PRKCB: variants seen among roughly 807,000 people sequenced by gnomAD.
The protein encoded by PRKCB is protein kinase C beta type.
PRKCB carries 13 observed loss-of-function variants against 81.5 expected under a neutral mutation model. That is an observed-to-expected ratio of 0.16 (90% confidence interval 0.10 to 0.25). The LOEUF is 0.25. PRKCB is among the 10% of genes least tolerant of loss of function. The pLI, the probability that PRKCB is intolerant of heterozygous loss-of-function variation, is 1.00. For missense variants in PRKCB, 509 were observed against 875.7 expected (o/e 0.58, Z 5.29); for synonymous variants, 335 against 321.4 (o/e 1.04, Z -0.45).
intron 5 of PRKCB, among the ~76,000 whole-genome samples, chr16:24,057,929 C>T (rs2141875024): frequency 6.6e-6 from 1 of 152,280 alleles, no homozygotes; most frequent in Non-Finnish European, 1.5e-5. Context: ...TGTCACCCCC[C>T]TGCTTAAATG....
chr16:23,996,273 G>A (rs543522347), intron 3 of PRKCB, among the ~76,000 whole-genome samples: 31 of 152,246 alleles, frequency 2.0e-4, no homozygotes, highest in African/African-American at 7.2e-4. Context: ...CCGTTCTTTG[G>A]ATACCAGGCA....
chr16:23,925,449 G>A (rs982319221), intron 2 of PRKCB, among the ~76,000 whole-genome samples: 7 of 151,990 alleles, frequency 4.6e-5, no homozygotes, highest in Admixed American at 4.6e-4. Context: ...GGATGCCTGT[G>A]TTCTTAAGGT....
At chr16:24,088,237 C>T (rs1966332282) in intron 5 of PRKCB, among the ~76,000 whole-genome samples, 1 of 152,122 alleles carries the variant, frequency 6.6e-6, no homozygotes, top group African/African-American at 2.4e-5. Flanking sequence ...GTTTTAGTAG[C>T]CAGAGCTCTT....
In PRKCB at chr16:24,217,465, T is replaced by C. The variant is rs1968246214; in HGVS notation, c.*2649T>C. On this transcript the variant is annotated 3_prime_UTR_variant, in exon 17 of 17. Coordinates refer to ENST00000643927, the MANE Select transcript of PRKCB (RefSeq NM_002738.7). Reference sequence around the variant, plus strand: ...GAATTAATAACCCTCCTTGGATGAGTGCTACTGTTTTCACATGGCTTCAGA... The same window carrying C: ...GAATTAATAACCCTCCTTGGATGAGCGCTACTGTTTTCACATGGCTTCAGA... 2 of 985,380 alleles carry C rather than the reference T, an allele frequency of 2.0e-6. No individual in the cohort carries two copies. Among genetic ancestry groups the C allele is most frequent in the Non-Finnish European group, 2.4e-6 (2 of 829,912 alleles). 61.0% of individuals were successfully genotyped at this position (985,380 alleles called of 1,614,324 possible).
At chr16:23,866,654 A>G (rs1962795298) in intron 2 of PRKCB, among the ~76,000 whole-genome samples, 1 of 152,144 alleles carries the variant, frequency 6.6e-6, no homozygotes, top group Non-Finnish European at 1.5e-5. Flanking sequence ...GCATCTTTCT[A>G]CACATCTCAT....
At position 23,939,610 on chromosome 16, in the gene PRKCB, G is replaced by A. The variant is rs577422817; in HGVS notation, c.206-48898G>A. On this transcript the variant is annotated intron_variant, in intron 2 of 16. Transcript: ENST00000643927. The stretch of plus-strand genomic sequence containing the variant: ...CACAAAAGGAGTTCAATGGAGAAAT[G>A]AATTTTCAACACATAGTGCTAGAAC... Among the ~76,000 whole-genome samples, 6 of 152,262 alleles carry A rather than the reference G, an allele frequency of 3.9e-5. No homozygotes were observed. The South Asian group carries it at 1.2e-3, about 32-fold the overall frequency.
rs1204365000 is a variant in PRKCB, at chr16:24,174,507, T to C, written c.1332-11T>C. Reference sequence around the variant, plus strand: ...GTTTCTCCATCGCTTTTTTTTTTTTTTTAATTTCAGATTTTACGCTGCAGA... The same window carrying C: ...GTTTCTCCATCGCTTTTTTTTTTTTCTTAATTTCAGATTTTACGCTGCAGA... On this transcript the variant is annotated splice_polypyrimidine_tract_variant and intron_variant, in intron 11 of 16. Coordinates refer to ENST00000643927, the MANE Select transcript of PRKCB (RefSeq NM_002738.7). 6.2e-7 allele frequency: 1 copy of C among 1,607,938 alleles called. No individual in the cohort carries two copies. Among genetic ancestry groups the C allele is most frequent in the African/African-American group, 1.3e-5 (1 of 74,202 alleles).
intron 2 of PRKCB, among the ~76,000 whole-genome samples, chr16:23,945,974 C>T (rs1198970740): frequency 6.6e-6 from 1 of 152,216 alleles, no homozygotes; most frequent in Admixed American, 6.5e-5. Context: ...TAGAAAAACT[C>T]ATGCTTCTTT....
intron 9 of PRKCB, among the ~76,000 whole-genome samples, chr16:24,124,855 G>C (rs9934029): frequency 0.19 from 28,137 of 152,032 alleles, 3,221 homozygotes; most frequent in African/African-American, 0.32. Context: ...ACTGTTCCTG[G>C]CCACCGCCCC....
At chr16:24,070,198 GA>G (rs1370075477) in intron 5 of PRKCB, among the ~76,000 whole-genome samples, 1 of 151,082 alleles carries the variant, frequency 6.6e-6, no homozygotes, top group Non-Finnish European at 1.5e-5. Flanking sequence ...GTCCAGGCTG[GA>G]GTGCAGTGGC....
intron 2 of PRKCB, among the ~76,000 whole-genome samples, chr16:23,896,833 G>C (rs1291444803): frequency 6.6e-6 from 1 of 152,132 alleles, no homozygotes. Context: ...ATGAAGGATT[G>C]GAAAATGCCT....
rs1011528523 is a variant in PRKCB, at chr16:23,972,518, A to AT, written c.206-15984dup. ...TTTATCTATTTCCTTTCAGTTTTTA[A>AT]TTTTTTCCTGTACTTAGGTTTTCCC... On this transcript the variant is annotated intron_variant, in intron 2 of 16. Transcript: ENST00000643927. Among the ~76,000 whole-genome samples, 5 of 152,108 alleles carry AT rather than the reference A, an allele frequency of 3.3e-5. 1 individual carries two copies. The highest frequency in any genetic ancestry group is 1.2e-4 in the African/African-American group (5 of 41,434).
intron 4 of PRKCB, among the ~76,000 whole-genome samples, chr16:24,034,878 C>T (rs1238137314): frequency 6.6e-6 from 1 of 152,212 alleles, no homozygotes; most frequent in African/African-American, 2.4e-5. Context: ...CTTCTCCCCA[C>T]AAGAGCACTC....
intron 16 of PRKCB, chr16:24,208,136 T>C (rs2141991408): frequency 6.6e-6 from 1 of 152,384 alleles, no homozygotes; most frequent in African/African-American, 2.4e-5. Context: ...CTGGCCATGG[T>C]GGTGTGCAGC....
intron 9 of PRKCB, among the ~76,000 whole-genome samples, chr16:24,147,358 A>G (rs896606610): frequency 3.3e-5 from 5 of 151,392 alleles, no homozygotes; most frequent in African/African-American, 1.2e-4. Context: ...AGGTCTGCCC[A>G]AGCCACTTGA....
intron 5 of PRKCB, among the ~76,000 whole-genome samples, chr16:24,049,393 A>C: frequency 6.9e-6 from 1 of 144,462 alleles, no homozygotes; most frequent in Non-Finnish European, 1.5e-5. Flanking sequence ...TGCACCCTTA[A>C]CCACTACCCT....
intron 2 of PRKCB, among the ~76,000 whole-genome samples, chr16:23,979,029 C>A (rs1402737249): frequency 6.6e-6 from 1 of 152,148 alleles, no homozygotes; most frequent in East Asian, 1.9e-4. Context: ...AGTGTACAGG[C>A]CGCATGGGGT....
At chr16:24,011,219 G>A (rs1047272986) in intron 3 of PRKCB, among the ~76,000 whole-genome samples, 2 of 152,094 alleles carry the variant, frequency 1.3e-5, no homozygotes, top group Admixed American at 6.5e-5. Context: ...ACTGGGCCAG[G>A]TCGTCCTTCC....
intron 2 of PRKCB, among the ~76,000 whole-genome samples, chr16:23,891,510 C>T (rs866752088): frequency 2.0e-5 from 3 of 151,864 alleles, no homozygotes; most frequent in Admixed American, 6.6e-5. Context: ...TAATAAAATA[C>T]ATAAATGAGG....
Sources: gnomAD v4.1 joint callset for allele counts (sites outside exome capture counted in the v4.1 genomes callset) on GRCh38, gnomAD v4.1.1 for gene constraint, MANE v1.5 for transcripts, NCBI Gene and HGNC (gene_info 2026-07-23, HGNC 2026-07-21) for gene names.